The following TYR variants were observed in gnomAD, a reference collection of about 807,000 sequenced individuals.
TYR encodes the protein LB24-AB.
Under a neutral mutation model 51.5 loss-of-function variants are expected in TYR, and 58 were observed. The ratio of observed to expected loss-of-function variants is 1.13; its 90% CI spans 0.91 to 1.40. TYR has a LOEUF of 1.40. TYR is among the 40% of genes most tolerant of loss of function. The pLI, the probability that TYR is intolerant of heterozygous loss-of-function variation, is 0.00. For synonymous variants in TYR, 263 were observed against 235.2 expected (o/e 1.12, Z -1.08); for missense variants, 732 against 647.4 (o/e 1.13, Z -1.42).
At chr11:89,193,991 A>C (rs1241623879) in intron 2 of TYR, among the ~76,000 whole-genome samples, 1 of 152,172 alleles carries the variant, frequency 6.6e-6, no homozygotes, top group Non-Finnish European at 1.5e-5. Context: ...ATATAGCCAC[A>C]GAACAGTTTT....
chr11:89,199,594 G>T (rs1943570355), intron 2 of TYR, among the ~76,000 whole-genome samples: 1 of 152,122 alleles, frequency 6.6e-6, no homozygotes, highest in Non-Finnish European at 1.5e-5. Context: ...AAAATTCTGG[G>T]CATCTACTTC....
intron 1 of TYR, among the ~76,000 whole-genome samples, chr11:89,180,212 A>G (rs2135243841): frequency 6.6e-6 from 1 of 152,308 alleles, no homozygotes; most frequent in Middle Eastern, 3.4e-3. Flanking sequence ...TTAATCTATA[A>G]TGTGCAAACT....
At chr11:89,246,417 C>T (rs1426049498) in intron 3 of TYR, among the ~76,000 whole-genome samples, 1 of 152,132 alleles carries the variant, frequency 6.6e-6, no homozygotes, top group Non-Finnish European at 1.5e-5. Context: ...AAGACTAGCT[C>T]CTGTAAAGAG....
intron 2 of TYR, among the ~76,000 whole-genome samples, chr11:89,201,789 G>A (rs75296082): frequency 6.6e-6 from 1 of 152,242 alleles, no homozygotes; most frequent in East Asian, 1.9e-4. Context: ...GGACTTCAAG[G>A]GGTCTGTTGG....
chr11:89,195,495 A>G (rs1258056259), intron 2 of TYR, among the ~76,000 whole-genome samples: 1 of 152,086 alleles, frequency 6.6e-6, no homozygotes, highest in African/African-American at 2.4e-5. Context: ...CCTGGCCAAC[A>G]TAGAGAAACC....
intron 3 of TYR, among the ~76,000 whole-genome samples, chr11:89,265,817 G>A (rs1944519760): frequency 6.6e-6 from 1 of 151,872 alleles, no homozygotes; most frequent in South Asian, 2.1e-4. Context: ...ACTCCAGATC[G>A]AATGATGCTC....
At chr11:89,282,995 A>C (rs1167952721) in intron 3 of TYR, among the ~76,000 whole-genome samples, 1 of 151,822 alleles carries the variant, frequency 6.6e-6, no homozygotes, top group African/African-American at 2.4e-5. Context: ...CATGACATAA[A>C]TATAATTCCC....
chr11:89,251,721 A>C (rs1256733499), intron 3 of TYR, among the ~76,000 whole-genome samples: 1 of 151,852 alleles, frequency 6.6e-6, no homozygotes, highest in Non-Finnish European at 1.5e-5. Context: ...TCAGGAGAAA[A>C]AGCTTCAAGA....
chr11:89,237,296 C>T (rs138354878), intron 3 of TYR, among the ~76,000 whole-genome samples: 7 of 152,182 alleles, frequency 4.6e-5, no homozygotes, highest in East Asian at 1.9e-4. Flanking sequence ...TGTCATGGAG[C>T]GTTCCCCCCA....
chr11:89,187,902 C>A (rs1943396518), intron 1 of TYR, among the ~76,000 whole-genome samples: 1 of 151,742 alleles, frequency 6.6e-6, no homozygotes, highest in Non-Finnish European at 1.5e-5. Context: ...TAAATATATA[C>A]ACCATATTGC....
At chr11:89,198,388 A>G (rs1419709543) in intron 2 of TYR, among the ~76,000 whole-genome samples, 2 of 152,260 alleles carry the variant, frequency 1.3e-5, no homozygotes, top group African/African-American at 4.8e-5. Flanking sequence ...GGGAATCAGA[A>G]ACTCAGTAGT....
intron 2 of TYR, among the ~76,000 whole-genome samples, chr11:89,194,083 T>A (rs1233663553): frequency 1.3e-5 from 2 of 152,160 alleles, no homozygotes; most frequent in Non-Finnish European, 2.9e-5. Context: ...TATAATAATA[T>A]CCTCAGTATT....
Position 89,245,116 on chromosome 11 carries a change from A to T in TYR, c.1184+17146A>T, listed in dbSNP as rs568254796. Among the ~76,000 whole-genome samples, 3 of 152,376 alleles carry T rather than the reference A, an allele frequency of 2.0e-5. No individual in the cohort carries two copies. In the South Asian group the frequency reaches 6.2e-4, roughly 32 times the overall value. On this transcript the variant is annotated intron_variant, in intron 3 of 4. Coordinates refer to ENST00000263321, the MANE Select transcript of TYR (RefSeq NM_000372.5). ...AATTTTATGACTGGTGGTTCTGTGA[A>T]GAATGAGTAGATTTTTTACTTGTGA...
chr11:89,238,452 C>G (rs12418646), intron 3 of TYR, among the ~76,000 whole-genome samples: 1 of 152,000 alleles, frequency 6.6e-6, no homozygotes, highest in Non-Finnish European at 1.5e-5. Context: ...ATCCTGTAAC[C>G]TTACTGAAGT....
chr11:89,230,136 C>T (rs912065268), intron 3 of TYR, among the ~76,000 whole-genome samples: 1 of 152,004 alleles, frequency 6.6e-6, no homozygotes, highest in Non-Finnish European at 1.5e-5. Flanking sequence ...TCAAAATATA[C>T]TACAAAACTA....
chr11:89,234,166 T>C (rs926143355), intron 3 of TYR, among the ~76,000 whole-genome samples: 3 of 143,828 alleles, frequency 2.1e-5, no homozygotes, highest in Non-Finnish European at 4.5e-5. Flanking sequence ...TGCAGTTTTA[T>C]GTTATGAAGA....
At position 89,199,325 on chromosome 11, in the gene TYR, T is replaced by C. The variant is rs1943567017; in HGVS notation, c.1036+7907T>C. Among the ~76,000 whole-genome samples, 3 of 152,176 alleles carry C rather than the reference T, an allele frequency of 2.0e-5. No individual in the cohort carries two copies. The South Asian group carries it at 6.2e-4, about 32-fold the overall frequency. ...TTTCTAGTTCTAGATCCCTGAGGAA[T>C]CTAGTTGTACTGGCATATGCAATTT... On this transcript the variant is annotated intron_variant, in intron 2 of 4. Transcript: ENST00000263321.
intron 2 of TYR, among the ~76,000 whole-genome samples, chr11:89,223,193 T>C (rs1052257373): frequency 1.3e-5 from 2 of 152,212 alleles, no homozygotes; most frequent in African/African-American, 2.4e-5. Context: ...TTCACATTTG[T>C]AAAACTGAGG....
chr11:89,197,101 AGAG>A (rs1182171536), intron 2 of TYR, among the ~76,000 whole-genome samples: 1 of 152,214 alleles, frequency 6.6e-6, no homozygotes, highest in Non-Finnish European at 1.5e-5. Flanking sequence ...CTCACTGAGC[AGAG>A]AAGAGGAGGA....
Sources: gnomAD v4.1 joint callset for allele counts (sites outside exome capture counted in the v4.1 genomes callset) on GRCh38, gnomAD v4.1.1 for gene constraint, MANE v1.5 for transcripts, NCBI Gene and HGNC (gene_info 2026-07-23, HGNC 2026-07-21) for gene names.